STARD13: variants seen among roughly 807,000 people sequenced by gnomAD.
The protein encoded by STARD13 is StAR related lipid transfer domain containing 13.
A neutral mutation model predicts 106.4 loss-of-function variants in STARD13; 62 were observed. That is an observed-to-expected ratio of 0.58 (90% CI 0.48 to 0.72). The LOEUF (loss-of-function observed/expected upper bound fraction) is 0.72, where lower values mean the gene tolerates loss of function less well. Ranked by LOEUF, STARD13 falls within the 30% of genes least tolerant of loss-of-function variation. STARD13 has a pLI of 0.00. For synonymous variants in STARD13, 565 were observed against 553.0 expected (o/e 1.02, Z -0.31); for missense variants, 1,387 against 1,424.0 (o/e 0.97, Z 0.42).
the STARD13 span, among the ~76,000 whole-genome samples, chr13:33,599,717 A>C: frequency 1.3e-5 from 2 of 152,194 alleles, no homozygotes; most frequent in Admixed American, 6.5e-5. Flanking sequence ...AGAGAGTGAG[A>C]GGGAGAGAGA....
At chr13:33,657,072 A>G in the STARD13 span, 4 of 152,390 alleles carry the variant, frequency 2.6e-5, no homozygotes, top group African/African-American at 9.7e-5. Context: ...GATCGAGACA[A>G]TCCTGGCTAA....
intron 3 of STARD13, chr13:33,164,230 A>G (rs1883072137): frequency 6.6e-6 from 1 of 152,212 alleles, no homozygotes. Context: ...CTCTTCATAT[A>G]GAAAACACAG....
intron 1 of STARD13, among the ~76,000 whole-genome samples, chr13:33,309,219 T>C (rs1166629699): frequency 6.6e-6 from 1 of 152,220 alleles, no homozygotes; most frequent in Non-Finnish European, 1.5e-5. Context: ...GCTCCAGCCC[T>C]GCCTCCTCCA....
At chr13:33,560,515 A>G in the STARD13 span, among the ~76,000 whole-genome samples, 1 of 151,400 alleles carries the variant, frequency 6.6e-6, no homozygotes, top group East Asian at 1.9e-4. Context: ...TCTAGACAGT[A>G]TACATAATCA....
the STARD13 span, among the ~76,000 whole-genome samples, chr13:33,525,738 A>C: frequency 6.6e-6 from 1 of 152,132 alleles, no homozygotes; most frequent in Non-Finnish European, 1.5e-5. Flanking sequence ...CGGAAGCAGG[A>C]AAGGCTGGAG....
At chr13:33,251,619 G>T (rs1460105659) in intron 1 of STARD13, among the ~76,000 whole-genome samples, 1 of 152,194 alleles carries the variant, frequency 6.6e-6, no homozygotes, top group Non-Finnish European at 1.5e-5. Context: ...TAGACTCTTA[G>T]TAAGTGGATG....
the STARD13 span, among the ~76,000 whole-genome samples, chr13:33,539,016 A>C: frequency 1.2e-4 from 18 of 152,014 alleles, no homozygotes; most frequent in African/African-American, 4.3e-4. Context: ...TGATCCGCCC[A>C]CCTCTGCCTC....
At chr13:33,663,604 CA>C in the STARD13 span, among the ~76,000 whole-genome samples, 1 of 152,116 alleles carries the variant, frequency 6.6e-6, no homozygotes, top group Non-Finnish European at 1.5e-5. Context: ...AAAAGAATTA[CA>C]AAGACATACA....
chr13:33,364,918 G>A, the STARD13 span, among the ~76,000 whole-genome samples: 1 of 152,096 alleles, frequency 6.6e-6, no homozygotes, highest in Non-Finnish European at 1.5e-5. Flanking sequence ...AAAAACTATA[G>A]GGTATGCATG....
chr13:33,383,136 T>G, the STARD13 span, among the ~76,000 whole-genome samples: 2 of 152,238 alleles, frequency 1.3e-5, no homozygotes, highest in African/African-American at 4.8e-5. Context: ...CATTTCATGT[T>G]TCTCCCACTA....
upstream of STARD13, among the ~76,000 whole-genome samples, chr13:33,290,363 G>A (rs1457726377): frequency 6.6e-6 from 1 of 152,224 alleles, no homozygotes; most frequent in Non-Finnish European, 1.5e-5. Flanking sequence ...AAGCCTTCCT[G>A]TGGGCTCTGA....
At chr13:33,583,279 A>G in the STARD13 span, among the ~76,000 whole-genome samples, 1 of 152,128 alleles carries the variant, frequency 6.6e-6, no homozygotes, top group Non-Finnish European at 1.5e-5. Context: ...AACAAACCCT[A>G]TTAGTGGTGT....
intron 8 of STARD13, among the ~76,000 whole-genome samples, chr13:33,114,343 A>T (rs1875057509): frequency 6.6e-6 from 1 of 152,018 alleles, no homozygotes; most frequent in African/African-American, 2.4e-5. Flanking sequence ...CTCATGCAGG[A>T]GGCATGACGT....
chr13:33,463,743 G>A, the STARD13 span, among the ~76,000 whole-genome samples: 1 of 152,160 alleles, frequency 6.6e-6, no homozygotes, highest in Non-Finnish European at 1.5e-5. Flanking sequence ...GCTGGGTGCA[G>A]TGGCTCATGC....
chr13:33,589,478 C>T, the STARD13 span, among the ~76,000 whole-genome samples: 1 of 152,140 alleles, frequency 6.6e-6, no homozygotes, highest in Admixed American at 6.6e-5. Context: ...AAATGTGTCC[C>T]AGAGATTCTG....
chr13:33,542,232 G>A, the STARD13 span, among the ~76,000 whole-genome samples: 1 of 152,098 alleles, frequency 6.6e-6, no homozygotes, highest in East Asian at 1.9e-4. Context: ...TGAACAGACC[G>A]GGGGATCAAG....
the STARD13 span, among the ~76,000 whole-genome samples, chr13:33,418,060 T>C: frequency 1.3e-5 from 2 of 149,592 alleles, no homozygotes; most frequent in Admixed American, 1.3e-4. Flanking sequence ...CCAACTGAGG[T>C]ATCTGGTTCA....
intron 1 of STARD13, among the ~76,000 whole-genome samples, chr13:33,208,765 C>T (rs1236812413): frequency 6.6e-6 from 1 of 152,176 alleles, no homozygotes; most frequent in Non-Finnish European, 1.5e-5. Context: ...ACCAGAAAGA[C>T]ATGTGAGTCC....
intron 1 of STARD13, among the ~76,000 whole-genome samples, chr13:33,172,765 AT>A (rs1032364375): frequency 4.6e-5 from 7 of 152,312 alleles, no homozygotes; most frequent in African/African-American, 1.4e-4. Flanking sequence ...TGAGGCCCAA[AT>A]TAAAATTTAT....
Sources: allele counts gnomAD v4.1 joint callset (sites outside exome capture counted in the v4.1 genomes callset), GRCh38; gene constraint gnomAD v4.1.1; transcripts MANE v1.5; gene names NCBI Gene and HGNC (gene_info 2026-07-23, HGNC 2026-07-21).